The following GLIS3 variants were observed in gnomAD, a reference collection of about 807,000 sequenced individuals.
The protein encoded by GLIS3 is GLIS family zinc finger 3.
A neutral mutation model predicts 78.6 loss-of-function variants in GLIS3; 53 were observed. That is an observed-to-expected ratio of 0.67 (90% CI 0.54 to 0.85). GLIS3 has a LOEUF of 0.85. GLIS3 is among the 40% of genes least tolerant of loss of function. The pLI is 0.00. For synonymous variants in GLIS3, 684 were observed against 509.9 expected (o/e 1.34, Z -4.60); for missense variants, 1,703 against 1,231.1 (o/e 1.38, Z -5.74).
At chr9:3,849,647 C>T (rs1452209195) in intron 9 of GLIS3, among the ~76,000 whole-genome samples, 1 of 152,110 alleles carries the variant, frequency 6.6e-6, no homozygotes, top group East Asian at 1.9e-4. Flanking sequence ...GTGGCTCATG[C>T]CTGTAATCCC....
At chr9:3,837,878 C>T (rs1197428413) in intron 9 of GLIS3, among the ~76,000 whole-genome samples, 2 of 152,052 alleles carry the variant, frequency 1.3e-5, no homozygotes, top group Non-Finnish European at 2.9e-5. Context: ...ACAAGAGTGA[C>T]CCCTAATATC....
intron 2 of GLIS3, among the ~76,000 whole-genome samples, chr9:4,231,395 G>T (rs1822240043): frequency 1.3e-5 from 2 of 152,108 alleles, no homozygotes; most frequent in African/African-American, 4.8e-5. Context: ...CGGTTGAAAG[G>T]CCTGTAAGAT....
chr9:4,329,143 C>G (rs1027548557), intron 2 of GLIS3, among the ~76,000 whole-genome samples: 1 of 152,118 alleles, frequency 6.6e-6, no homozygotes. Flanking sequence ...TGTGTGAGAT[C>G]GAAGAATTTT....
chr9:4,118,570 A>G lies in GLIS3; in HGVS notation c.908T>C (p.Leu303Pro), dbSNP rs771645748. ...GCCATCGGACAGCGGGGACAAGGAC[A>G]GCGCTCTCTTCTTGGAGCGGGCCGA... ...SHSARSKKRA[L>P]SLSPLSDGIG... Residue 303 changes from leucine to proline, a missense_variant, in exon 4 of 11, where the codon CTG (leucine) becomes CCG (proline). Transcript: ENST00000381971. The surrounding 1 kb of genome is among the most constrained non-coding windows in gnomAD (Gnocchi z 4.7). 1.9e-6 allele frequency: 3 copies of G among 1,614,106 alleles called. No homozygotes were observed. Among genetic ancestry groups the G allele is most frequent in the Admixed American group, 3.3e-5 (2 of 60,012 alleles).
chr9:4,202,952 C>T (rs185521301), intron 2 of GLIS3, among the ~76,000 whole-genome samples: 42 of 152,226 alleles, frequency 2.8e-4, no homozygotes, highest in African/African-American at 1.0e-3. Context: ...GCAATTGCAA[C>T]AAAAACAAAA....
intron 6 of GLIS3, among the ~76,000 whole-genome samples, chr9:3,913,333 T>G (rs1157553369): frequency 6.6e-6 from 1 of 152,210 alleles, no homozygotes; most frequent in Non-Finnish European, 1.5e-5. Flanking sequence ...TCCCATCCAT[T>G]CTATACTCAA....
At chr9:4,424,600 G>A in the GLIS3 span, among the ~76,000 whole-genome samples, 2 of 152,170 alleles carry the variant, frequency 1.3e-5, no homozygotes, top group African/African-American at 4.8e-5. Flanking sequence ...ATTTCGCTCT[G>A]TCATCCAGGC....
At chr9:4,012,589 G>T (rs547113583) in intron 4 of GLIS3, among the ~76,000 whole-genome samples, 1 of 152,056 alleles carries the variant, frequency 6.6e-6, no homozygotes, top group Admixed American at 6.6e-5. Flanking sequence ...GTTTCTGTTG[G>T]ACTAGTGTGT....
intron 2 of GLIS3, among the ~76,000 whole-genome samples, chr9:4,184,305 C>T (rs1049106619): frequency 3.9e-5 from 6 of 152,192 alleles, no homozygotes; most frequent in East Asian, 1.9e-4. Flanking sequence ...TGTGACTGCA[C>T]AAGGATGTTG....
At chr9:4,018,485 A>G (rs898213970) in intron 4 of GLIS3, among the ~76,000 whole-genome samples, 1 of 152,192 alleles carries the variant, frequency 6.6e-6, no homozygotes, top group African/African-American at 2.4e-5. Context: ...ATTGTTTATC[A>G]TCTTTGGAAT....
the GLIS3 span, among the ~76,000 whole-genome samples, chr9:4,411,657 A>C: frequency 6.6e-6 from 1 of 152,174 alleles, no homozygotes; most frequent in Non-Finnish European, 1.5e-5. Context: ...ATGGTGCTGT[A>C]TGCTGTATGG....
chr9:3,850,505 C>T (rs1173115248), intron 9 of GLIS3, among the ~76,000 whole-genome samples: 1 of 152,200 alleles, frequency 6.6e-6, no homozygotes, highest in Non-Finnish European at 1.5e-5. Context: ...ACCAGTTGCA[C>T]CTGAGTGAAC....
chr9:4,460,018 T>G, the GLIS3 span, among the ~76,000 whole-genome samples: 3 of 152,116 alleles, frequency 2.0e-5, no homozygotes, highest in Non-Finnish European at 4.4e-5. Context: ...TTTGTGCCGC[T>G]AAAGTGGTGC....
chr9:4,000,308 C>G (rs2129906008), intron 4 of GLIS3, among the ~76,000 whole-genome samples: 1 of 152,020 alleles, frequency 6.6e-6, no homozygotes, highest in African/African-American at 2.4e-5. Flanking sequence ...TTAAGGATGC[C>G]TATATGTGTG....
At chr9:4,143,572 A>T (rs1364055319) in intron 2 of GLIS3, among the ~76,000 whole-genome samples, 1 of 152,152 alleles carries the variant, frequency 6.6e-6, no homozygotes, top group African/African-American at 2.4e-5. Flanking sequence ...CTCAAAAAAA[A>T]AAATAAAAAC....
chr9:4,182,607 AAG>A (rs1397730108), intron 2 of GLIS3, among the ~76,000 whole-genome samples: 7 of 152,200 alleles, frequency 4.6e-5, no homozygotes, highest in African/African-American at 7.2e-5. Context: ...TTCACAGGGA[AAG>A]AGATTCAATC....
At chr9:4,246,470 A>G (rs1823813553) in intron 2 of GLIS3, among the ~76,000 whole-genome samples, 1 of 152,218 alleles carries the variant, frequency 6.6e-6, no homozygotes, top group Non-Finnish European at 1.5e-5. Flanking sequence ...ATGGTCTTAT[A>G]CGGCTACCAT....
chr9:4,413,509 G>C, the GLIS3 span, among the ~76,000 whole-genome samples: 1 of 152,094 alleles, frequency 6.6e-6, no homozygotes, highest in African/African-American at 2.4e-5. Flanking sequence ...TCAAAGCTGT[G>C]CAAGCTCCAG....
chr9:4,193,931 G>C (rs534232548), intron 2 of GLIS3, among the ~76,000 whole-genome samples: 1 of 152,216 alleles, frequency 6.6e-6, no homozygotes, highest in Non-Finnish European at 1.5e-5. Flanking sequence ...TGGTAAGCGT[G>C]CTTAACAACC....
Sources: gnomAD v4.1 joint callset for allele counts (sites outside exome capture counted in the v4.1 genomes callset) on GRCh38, gnomAD v4.1.1 for gene constraint, Gnocchi (gnomAD v3.1) non-coding constraint, MANE v1.5 for transcripts, NCBI Gene and HGNC (gene_info 2026-07-23, HGNC 2026-07-21) for gene names.